The following UTY variants were observed in gnomAD, a reference collection of about 807,000 sequenced individuals.
The protein encoded by UTY is ubiquitously transcribed tetratricopeptide repeat containing, Y-linked.
UTY carries 12 observed loss-of-function variants against 32.5 expected under a neutral mutation model. The observed-to-expected ratio is 0.37, with a 90% CI of 0.24 to 0.60. The LOEUF is 0.60. Ranked by LOEUF, UTY falls within the 20% of genes least tolerant of loss-of-function variation. The pLI, the probability that UTY is intolerant of heterozygous loss-of-function variation, is 0.69. For missense variants in UTY, 303 were observed against 299.2 expected (o/e 1.01, Z -0.09); for synonymous variants, 131 against 103.4 (o/e 1.27, Z -1.62).
chrY:13,349,970 T>A (rs2062215644), intron 17 of UTY, among the ~76,000 whole-genome samples: 1 of 33,231 alleles, frequency 3.0e-5, no homozygotes, highest in East Asian at 7.9e-4. Context: ...GGGGATAAGA[T>A]CATAAGGTGT....
intron 8 of UTY, among the ~76,000 whole-genome samples, chrY:13,386,391 C>T (rs1297069501): frequency 3.1e-5 from 1 of 31,822 alleles, no homozygotes; most frequent in East Asian, 8.3e-4. Context: ...TGAGCCACCG[C>T]GCCCGGCCAA....
At chrY:13,479,408 G>C in intron 1 of UTY, 91 bp from the exon 2 acceptor site, 2 of 388,444 alleles carry the variant, frequency 5.1e-6, no homozygotes, top group Non-Finnish European at 7.3e-6. Context: ...CGACAGATTG[G>C]TGAGTGCCAA....
intron 17 of UTY, among the ~76,000 whole-genome samples, chrY:13,350,310 A>C (rs754984522): frequency 6.0e-5 from 2 of 33,572 alleles, no homozygotes; most frequent in East Asian, 1.5e-3. Flanking sequence ...AAAAACCAGG[A>C]AAAAATTTTT....
At chrY:13,381,681 T>C in intron 8 of UTY, among the ~76,000 whole-genome samples, 1 of 33,864 alleles carries the variant, frequency 3.0e-5, no homozygotes, top group African/African-American at 1.2e-4. Flanking sequence ...ACTAATCCAA[T>C]TAAAGTCACA....
chrY:13,286,413 A>G (rs2057365549), intron 27 of UTY, among the ~76,000 whole-genome samples: 3 of 33,596 alleles, frequency 8.9e-5, no homozygotes, highest in Admixed American at 8.0e-4. Flanking sequence ...TAACCAACCT[A>G]ATGCATGTTA....
At chrY:13,353,627 G>A (rs778046445) in intron 17 of UTY, among the ~76,000 whole-genome samples, 53 of 34,050 alleles carry the variant, frequency 1.6e-3, no homozygotes, top group Non-Finnish European at 6.6e-4. Context: ...TAAAGCAAAG[G>A]AAAGGGAAAA....
At chrY:13,261,524 A>C (rs2055265618) in intron 27 of UTY, among the ~76,000 whole-genome samples, 2 of 33,409 alleles carry the variant, frequency 6.0e-5, no homozygotes, top group African/African-American at 1.2e-4. Context: ...TATAAATTTA[A>C]ATTTACGTAA....
At chrY:13,343,049 G>A in intron 17 of UTY, among the ~76,000 whole-genome samples, 2 of 33,661 alleles carry the variant, frequency 5.9e-5, no homozygotes, top group East Asian at 1.6e-3. Context: ...AATCAAGAAG[G>A]CTTTGATCCA....
intron 17 of UTY, among the ~76,000 whole-genome samples, chrY:13,343,883 A>G (rs2061687328): frequency 3.0e-5 from 1 of 33,614 alleles, no homozygotes; most frequent in African/African-American, 1.2e-4. Context: ...ATATGTAAGG[A>G]AAGAGGATTA....
intron 4 of UTY, among the ~76,000 whole-genome samples, chrY:13,419,934 G>A: frequency 3.0e-5 from 1 of 33,808 alleles, no homozygotes; most frequent in Admixed American, 2.7e-4. Flanking sequence ...CAGCAGAATG[G>A]CTGTATGGGT....
intron 2 of UTY, among the ~76,000 whole-genome samples, chrY:13,474,253 AAAAC>A (rs2078822796): frequency 3.0e-5 from 1 of 32,930 alleles, no homozygotes; most frequent in Admixed American, 2.8e-4. Flanking sequence ...AAAAGAAAAA[AAAAC>A]AAAGATAGTT....
chrY:13,424,196 G>A (rs2072947566), intron 4 of UTY, among the ~76,000 whole-genome samples: 1 of 32,687 alleles, frequency 3.1e-5, no homozygotes, highest in Non-Finnish European at 7.5e-5. Flanking sequence ...TCACGAGGTC[G>A]GGAGTTTGAG....
chrY:13,479,552 C>T lies in UTY; in HGVS notation c.114G>A (p.Leu38=). The part of the protein sequence containing the change: ...SRESEEESVS[L]TVEEREALGG... ...CAAGCGCCTCCCTTTCCTCGACTGTCAGGCTAACAGACTCCTCTTCACTCT... is the reference window on the plus strand; with the variant it reads ...CAAGCGCCTCCCTTTCCTCGACTGTTAGGCTAACAGACTCCTCTTCACTCT... Residue 38 remains leucine (L), a synonymous_variant, in exon 1 of 30, where the codon CTG becomes CTA. Coordinates refer to ENST00000545955, the MANE Select transcript of UTY (RefSeq NM_001258249.2). 2.5e-6 allele frequency: 1 copy of T among 398,817 alleles called. No individual in the cohort carries two copies. The highest frequency in any genetic ancestry group is 3.5e-6 in the Non-Finnish European group (1 of 283,642).
intron 21 of UTY, among the ~76,000 whole-genome samples, chrY:13,310,256 A>T: frequency 3.2e-5 from 1 of 31,445 alleles, no homozygotes; most frequent in African/African-American, 1.3e-4. Flanking sequence ...TATCATGCTC[A>T]GAGCCTAGAT....
intron 4 of UTY, among the ~76,000 whole-genome samples, chrY:13,419,266 G>A: frequency 3.0e-5 from 1 of 33,676 alleles, no homozygotes; most frequent in African/African-American, 1.2e-4. Context: ...TGCAAGGCAT[G>A]CTATCTCTTC....
chrY:13,471,050 A>G, intron 2 of UTY, among the ~76,000 whole-genome samples: 1 of 33,742 alleles, frequency 3.0e-5, no homozygotes, highest in Admixed American at 2.7e-4. Flanking sequence ...TGAAAACATT[A>G]CTAAAACATC....
chrY:13,293,211 T>C, intron 27 of UTY, among the ~76,000 whole-genome samples: 1 of 33,817 alleles, frequency 3.0e-5, no homozygotes, highest in African/African-American at 1.2e-4. Context: ...AATGAAAAGC[T>C]TTCCTCCTAA....
At chrY:13,324,804 T>C in intron 19 of UTY, 98 bp from the exon 20 acceptor site, 1 of 203,129 alleles carries the variant, frequency 4.9e-6, no homozygotes, top group East Asian at 1.2e-4. Flanking sequence ...TACTTCAAAT[T>C]TGTGAGTTTT....
At chrY:13,427,762 ATCAT>A (rs2073487748) in intron 4 of UTY, among the ~76,000 whole-genome samples, 2 of 34,026 alleles carry the variant, frequency 5.9e-5, no homozygotes, top group Non-Finnish European at 1.5e-4. Context: ...CAATGGATAG[ATCAT>A]TCAAACAGAA....
Sources: allele counts gnomAD v4.1 joint callset (sites outside exome capture counted in the v4.1 genomes callset), GRCh38; gene constraint gnomAD v4.1.1; transcripts MANE v1.5; gene names NCBI Gene and HGNC (gene_info 2026-07-23, HGNC 2026-07-21).